FAM204A: variants seen among roughly 807,000 people sequenced by gnomAD.
FAM204A encodes protein FAM204A.
FAM204A carries 16 observed loss-of-function variants against 35.4 expected under a neutral mutation model. That is an observed-to-expected ratio of 0.45 (90% CI 0.31 to 0.69). The LOEUF (loss-of-function observed/expected upper bound fraction) is 0.69, where lower values mean the gene tolerates loss of function less well. Among genes scored for constraint, FAM204A ranks in the 30% least tolerant of loss-of-function variants. FAM204A has a pLI of 0.07. For missense variants in FAM204A, 240 were observed against 265.7 expected, an observed-to-expected ratio of 0.90 and a Z score of 0.67; for synonymous variants, 76 against 86.9, an observed-to-expected ratio of 0.88 and a Z score of 0.70.
At chr10:118,330,590 A>T (rs932004061) in intron 6 of FAM204A, among the ~76,000 whole-genome samples, 6 of 152,068 alleles carry the variant, frequency 3.9e-5, no homozygotes, top group Non-Finnish European at 7.4e-5. Context: ...TTTCTATCAC[A>T]TTTTCAGCTT....
chr10:118,325,104 T>G (rs1244254401), intron 7 of FAM204A, among the ~76,000 whole-genome samples: 2 of 152,120 alleles, frequency 1.3e-5, no homozygotes, highest in East Asian at 1.9e-4. Context: ...GAATCCCCTT[T>G]CTCAACTTGT....
chr10:118,335,438 T>C lies in FAM204A; in HGVS notation c.323-12A>G, dbSNP rs758682609. ...ATTCTTCAATTTATCTGAAAAGAAT[T>C]CACAAAGTGTCAATACCTAACTTCA... On this transcript the variant is annotated splice_polypyrimidine_tract_variant and intron_variant, in intron 4 of 8. Coordinates refer to ENST00000369183, the MANE Select transcript of FAM204A (RefSeq NM_022063.3). 5.0e-6 allele frequency: 8 copies of C among 1,596,550 alleles called. No homozygotes were observed. The highest frequency in any genetic ancestry group is 6.8e-6 in the Non-Finnish European group (8 of 1,172,620).
At position 118,305,316 on chromosome 10, in the gene FAM204A, C is replaced by T. The variant is rs895632589; in HGVS notation, c.*5541G>A. The T allele has an allele frequency of 6.6e-6, 1 of 152,162 alleles. No homozygotes were observed. The highest frequency in any genetic ancestry group is 2.4e-5 in the African/African-American group (1 of 41,428). 9.4% of individuals were successfully genotyped at this position (152,162 alleles called of 1,614,324 possible). ...TAACATGGGAAGGTACTGTGGCCCA[C>T]CCAAGCTAAAATAAAGGACACGTTA... On this transcript the variant is annotated 3_prime_UTR_variant, in exon 9 of 9. Coordinates refer to ENST00000369183, the MANE Select transcript of FAM204A (RefSeq NM_022063.3).
intron 6 of FAM204A, among the ~76,000 whole-genome samples, chr10:118,334,418 T>A (rs1233975093): frequency 6.6e-6 from 1 of 152,184 alleles, no homozygotes; most frequent in African/African-American, 2.4e-5. Flanking sequence ...ATCCATCCAC[T>A]TTTTTCCTTC....
In FAM204A at chr10:118,334,854, G is replaced by A. The variant is rs116173694; in HGVS notation, c.453+260C>T. On this transcript the variant is annotated intron_variant, in intron 6 of 8. Transcript: ENST00000369183. ...TTTCCATCCTTCAGGTCTCAGTGAC[G>A]TGGCACCTTCTATGAAAGGCTTTCC... Among the ~76,000 whole-genome samples the A allele has an allele frequency of 5.1e-3, 771 of 152,294 alleles. 6 individuals are homozygous for A. The highest frequency in any genetic ancestry group is 0.017 in the African/African-American group (727 of 41,564).
chr10:118,333,669 AG>A (rs982640710), intron 6 of FAM204A, among the ~76,000 whole-genome samples: 3 of 152,178 alleles, frequency 2.0e-5, no homozygotes, highest in Non-Finnish European at 4.4e-5. Context: ...GTTTATTTGT[AG>A]AATATTAAAT....
chr10:118,335,995 A>T, intron 3 of FAM204A, 187 bp downstream of exon 3: 1 of 650,982 alleles, frequency 1.5e-6, no homozygotes, highest in Non-Finnish European at 2.4e-6. Flanking sequence ...TCTTTCTATG[A>T]AAAACAAAAC....
At chr10:118,324,258 A>G (rs1846163951) in intron 7 of FAM204A, among the ~76,000 whole-genome samples, 1 of 152,196 alleles carries the variant, frequency 6.6e-6, no homozygotes. Context: ...ACTGTATCTT[A>G]CAAGAAAAAA....
At position 118,310,818 on chromosome 10, in the gene FAM204A, G is replaced by A. The variant is rs752765580; in HGVS notation, c.*39C>T. 1 of 1,510,156 alleles carries A rather than the reference G, an allele frequency of 6.6e-7. No individual in the cohort carries two copies. The highest frequency in any genetic ancestry group is 2.0e-5 in the Admixed American group (1 of 50,654). The allele number at this position is 1,510,156 out of a possible 1,614,324, so 93.5% of individuals were successfully genotyped here. ...CAGGAAAACATTCTCAGTAAATTGA[G>A]CATTTGAGTCTACAAATGTCTTGAA... On this transcript the variant is annotated 3_prime_UTR_variant, in exon 9 of 9. Transcript: ENST00000369183.
intron 4 of FAM204A, 56 bp from the exon 5 acceptor site, chr10:118,335,482 T>G: frequency 6.3e-7 from 1 of 1,596,032 alleles, no homozygotes; most frequent in Non-Finnish European, 8.5e-7. Context: ...AAAACCATAT[T>G]TTAAAAAAAT....
intron 2 of FAM204A, among the ~76,000 whole-genome samples, chr10:118,338,722 T>C (rs1299485528): frequency 1.3e-5 from 2 of 152,212 alleles, no homozygotes; most frequent in Non-Finnish European, 2.9e-5. Context: ...GAAACGTGTA[T>C]GCCTCTCCAA....
chr10:118,323,807 T>G (rs920284365), intron 7 of FAM204A, among the ~76,000 whole-genome samples: 3 of 152,170 alleles, frequency 2.0e-5, no homozygotes, highest in African/African-American at 7.2e-5. Flanking sequence ...TACTTGAAAG[T>G]AACTATACTT....
rs544287163 is a variant in FAM204A, at chr10:118,303,583, G to A, written c.*7274C>T. 2 of 152,472 alleles carry A rather than the reference G, an allele frequency of 1.3e-5. No homozygotes were observed. The highest frequency in any genetic ancestry group is 4.8e-5 in the African/African-American group (2 of 41,566). 9.4% of individuals were successfully genotyped at this position (152,472 alleles called of 1,614,324 possible). A position where few individuals can be genotyped will look rare whatever the true frequency, so the allele number is the denominator to read the frequency against. On this transcript the variant is annotated 3_prime_UTR_variant, in exon 9 of 9. Coordinates refer to ENST00000369183, the MANE Select transcript of FAM204A (RefSeq NM_022063.3). ...AATCCCAGCACTTTGGGAGGCTGAG[G>A]TGGGCGGATCACAAGGTCAAGAGAT...
intron 7 of FAM204A, among the ~76,000 whole-genome samples, chr10:118,314,592 C>T (rs1048810059): frequency 2.0e-5 from 3 of 151,932 alleles, no homozygotes; most frequent in East Asian, 1.9e-4. Context: ...TAAAATAGGC[C>T]GAAAAGAATC....
chr10:118,318,295 T>C (rs1846061526), intron 7 of FAM204A, among the ~76,000 whole-genome samples: 1 of 152,018 alleles, frequency 6.6e-6, no homozygotes, highest in South Asian at 2.1e-4. Context: ...ATTAGATGAC[T>C]CTGTATGAAA....
At position 118,309,824 on chromosome 10, in the gene FAM204A, G is replaced by A. The variant is rs1845919114; in HGVS notation, c.*1033C>T. 1 of 152,116 alleles carries A rather than the reference G, an allele frequency of 6.6e-6. No individual in the cohort carries two copies. The highest frequency in any genetic ancestry group is 2.1e-4 in the South Asian group (1 of 4,830). The allele number at this position is 152,116 out of a possible 1,614,324, so 9.4% of individuals were successfully genotyped here. A position where few individuals can be genotyped will look rare whatever the true frequency, so the allele number is the denominator to read the frequency against. ...ACAATTACACCATTTTCTCTTCTAA[G>A]AACCATCTCATAATTTAAAGAATGA... is the stretch of plus-strand genomic sequence containing the variant. On this transcript the variant is annotated 3_prime_UTR_variant, in exon 9 of 9. Coordinates refer to ENST00000369183, the MANE Select transcript of FAM204A (RefSeq NM_022063.3).
chr10:118,340,047 C>T (rs1182276930), intron 2 of FAM204A, among the ~76,000 whole-genome samples: 1 of 152,176 alleles, frequency 6.6e-6, no homozygotes, highest in African/African-American at 2.4e-5. Context: ...TAACAGGAGT[C>T]TCTAAGCTAA....
intron 2 of FAM204A, 34 bp from the exon 3 acceptor site, chr10:118,336,457 A>T: frequency 1.3e-6 from 2 of 1,536,140 alleles, no homozygotes; most frequent in Admixed American, 4.3e-5. Context: ...CACATGTAGA[A>T]TAACCATAGA....
At position 118,307,427 on chromosome 10, in the gene FAM204A, C is replaced by T. The variant is rs1261321517; in HGVS notation, c.*3430G>A. 1 of 152,160 alleles carries T rather than the reference C, an allele frequency of 6.6e-6. No homozygotes were observed. Among genetic ancestry groups the T allele is most frequent in the Non-Finnish European group, 1.5e-5 (1 of 68,022 alleles). The allele number at this position is 152,160 out of a possible 1,614,324, so 9.4% of individuals were successfully genotyped here. A position where few individuals can be genotyped will look rare whatever the true frequency, so the allele number is the denominator to read the frequency against. On this transcript the variant is annotated 3_prime_UTR_variant, in exon 9 of 9. Coordinates refer to ENST00000369183, the MANE Select transcript of FAM204A (RefSeq NM_022063.3). ...AAAGCATTTGTTGCTCTGCCAGATA[C>T]TAAAAATAAAAGCAACTTCTGCCAA...
Sources: gnomAD v4.1 joint callset for allele counts (sites outside exome capture counted in the v4.1 genomes callset) on GRCh38, gnomAD v4.1.1 for gene constraint, MANE v1.5 for transcripts, NCBI Gene and HGNC (gene_info 2026-07-23, HGNC 2026-07-21) for gene names.